BABAM2: variants seen among roughly 807,000 people sequenced by gnomAD.
The protein encoded by BABAM2 is BRISC and BRCA1-A complex member 2.
BABAM2 carries 31 observed loss-of-function variants against 54.7 expected under a neutral mutation model. The ratio of observed to expected loss-of-function variants is 0.57; its 90% CI spans 0.43 to 0.77. The LOEUF is 0.77. BABAM2 is among the 30% of genes least tolerant of loss of function. BABAM2 has a pLI of 0.00. For missense variants in BABAM2, 364 were observed against 455.8 expected, an observed-to-expected ratio of 0.80 and a Z score of 1.83; for synonymous variants, 167 against 162.9, an observed-to-expected ratio of 1.03 and a Z score of -0.19.
At chr2:28,099,904 A>G (rs751254578) in intron 6 of BABAM2, among the ~76,000 whole-genome samples, 6 of 152,234 alleles carry the variant, frequency 3.9e-5, no homozygotes, top group Middle Eastern at 3.4e-3. Flanking sequence ...TACCAAATTT[A>G]CTAGCATATA....
At chr2:27,935,070 C>T (rs558002467) in intron 3 of BABAM2, among the ~76,000 whole-genome samples, 22 of 152,254 alleles carry the variant, frequency 1.4e-4, no homozygotes, top group African/African-American at 4.6e-4. Context: ...AAGAAGATGC[C>T]GTCTAGGACT....
chr2:28,171,112 AAT>A (rs78174752), intron 7 of BABAM2, among the ~76,000 whole-genome samples: 26 of 148,776 alleles, frequency 1.7e-4, no homozygotes, highest in Admixed American at 4.7e-4. Flanking sequence ...TGCTTTTTAA[AAT>A]ATATATATAT....
chr2:28,065,270 C>CGTAT (rs1167952069), intron 6 of BABAM2, among the ~76,000 whole-genome samples: 14 of 152,146 alleles, frequency 9.2e-5, no homozygotes, highest in Admixed American at 6.5e-5. Context: ...TTTAATGCCA[C>CGTAT]GTATTAAACA....
intron 8 of BABAM2, 107 bp downstream of exon 8, chr2:28,237,408 G>A: frequency 1.0e-6 from 1 of 965,812 alleles, no homozygotes; most frequent in Non-Finnish European, 1.6e-6. Flanking sequence ...CGACTGCTCA[G>A]TTTCAGCCTC....
At chr2:28,308,687 A>G (rs1572389721) in intron 11 of BABAM2, 1 of 283,850 alleles carries the variant, frequency 3.5e-6, no homozygotes, top group South Asian at 3.6e-5. Flanking sequence ...ACCCAGGCAG[A>G]CAGAAACAGT....
At chr2:28,026,865 T>TATATATTTATATATATAAATATATATAA (rs1558667271) in intron 5 of BABAM2, among the ~76,000 whole-genome samples, 1 of 49,580 alleles carries the variant, frequency 2.0e-5, no homozygotes, top group African/African-American at 1.1e-4. Flanking sequence ...TATATATAGA[T>TATATATTTATATATATAAATATATATAA]ATATATATTT....
chr2:28,087,846 C>T (rs553108040), intron 6 of BABAM2, among the ~76,000 whole-genome samples: 16 of 152,198 alleles, frequency 1.1e-4, no homozygotes, highest in Non-Finnish European at 1.9e-4. Flanking sequence ...GACAGGGTTT[C>T]ACCATGTTGG....
intron 1 of BABAM2, among the ~76,000 whole-genome samples, chr2:27,893,058 C>T (rs955316990): frequency 2.6e-5 from 4 of 152,080 alleles, no homozygotes. Flanking sequence ...TTAGCAAGGA[C>T]TTGTAAGTTT....
chr2:28,189,785 C>A (rs143242049), intron 7 of BABAM2, among the ~76,000 whole-genome samples: 2,002 of 151,368 alleles, frequency 0.013, 29 homozygotes, highest in South Asian at 0.05. Flanking sequence ...CAAGCCGATT[C>A]TAAAATGTAT....
intron 7 of BABAM2, among the ~76,000 whole-genome samples, chr2:28,135,003 G>A (rs144381401): frequency 0.013 from 2,000 of 152,284 alleles, 27 homozygotes; most frequent in South Asian, 0.049. Context: ...CTGTGAAGAG[G>A]AATAAATCTA....
intron 6 of BABAM2, among the ~76,000 whole-genome samples, chr2:28,127,507 G>A (rs917120271): frequency 2.6e-5 from 4 of 152,104 alleles, no homozygotes; most frequent in Non-Finnish European, 5.9e-5. Flanking sequence ...AAGGGGAGGA[G>A]CGAGAGGAGA....
intron 7 of BABAM2, among the ~76,000 whole-genome samples, chr2:28,174,802 C>G (rs901722966): frequency 7.2e-5 from 11 of 152,120 alleles, no homozygotes; most frequent in Non-Finnish European, 1.5e-4. Flanking sequence ...AGAGCCCAGC[C>G]CTCACCAGAC....
chr2:28,265,240 A>G (rs1684878371), intron 10 of BABAM2, among the ~76,000 whole-genome samples: 1 of 152,186 alleles, frequency 6.6e-6, no homozygotes, highest in Admixed American at 6.5e-5. Flanking sequence ...GTTCAAGACC[A>G]GCCTGGCCAA....
intron 7 of BABAM2, among the ~76,000 whole-genome samples, chr2:28,197,927 T>C (rs1454665717): frequency 6.6e-6 from 1 of 152,198 alleles, no homozygotes; most frequent in Non-Finnish European, 1.5e-5. Context: ...ACTTAAGTTC[T>C]GATAACCTAA....
intron 2 of BABAM2, among the ~76,000 whole-genome samples, chr2:27,911,550 G>C (rs949008533): frequency 1.3e-5 from 2 of 152,004 alleles, no homozygotes; most frequent in Non-Finnish European, 2.9e-5. Context: ...GGAGGCAAGC[G>C]TGCAGCTGTG....
chr2:28,183,774 C>CACACACACACACACAT (rs61612113), intron 7 of BABAM2, among the ~76,000 whole-genome samples: 1 of 151,708 alleles, frequency 6.6e-6, no homozygotes, highest in Non-Finnish European at 1.5e-5. Context: ...CACACACACA[C>CACACACACACACACAT]GTACATTGAC....
chr2:28,079,014 T>G (rs1247325263), intron 6 of BABAM2, among the ~76,000 whole-genome samples: 13 of 152,230 alleles, frequency 8.5e-5, no homozygotes, highest in Non-Finnish European at 2.9e-5. Flanking sequence ...CTCATTGTTA[T>G]GTCAGCTGAA....
intron 2 of BABAM2, among the ~76,000 whole-genome samples, chr2:27,921,906 T>G (rs1667370721): frequency 6.6e-6 from 1 of 152,190 alleles, no homozygotes; most frequent in Admixed American, 6.5e-5. Context: ...TCCAGTTAAA[T>G]CAACAGTCTT....
intron 6 of BABAM2, among the ~76,000 whole-genome samples, chr2:28,063,702 C>T (rs1679087707): frequency 6.6e-6 from 1 of 152,182 alleles, no homozygotes; most frequent in African/African-American, 2.4e-5. Context: ...GTTTGAGAAA[C>T]TATTTTGGCT....
Sources: gnomAD v4.1 joint callset for allele counts (sites outside exome capture counted in the v4.1 genomes callset) on GRCh38, gnomAD v4.1.1 for gene constraint, MANE v1.5 for transcripts, NCBI Gene and HGNC (gene_info 2026-07-23, HGNC 2026-07-21) for gene names.